Variants in STX7 observed in about 807,000 individuals in gnomAD.
The protein encoded by STX7 is syntaxin 7.
STX7 carries 34 observed loss-of-function variants against 39.6 expected under a neutral mutation model. That is an observed-to-expected ratio of 0.86 (90% CI 0.65 to 1.14). The LOEUF is 1.14. Among genes scored for constraint, STX7 ranks in the 50% most tolerant of loss-of-function variants. The probability of loss-of-function intolerance (pLI) is 0.00; values close to 1 mark genes in which losing one functional copy is unlikely to be tolerated. For missense variants in STX7, 284 were observed against 310.4 expected, an observed-to-expected ratio of 0.92 and a Z score of 0.64; for synonymous variants, 119 against 99.1, an observed-to-expected ratio of 1.20 and a Z score of -1.19.
chr6:132,485,555 T>C (rs1213359936), intron 2 of STX7, among the ~76,000 whole-genome samples: 2 of 152,236 alleles, frequency 1.3e-5, no homozygotes, highest in Non-Finnish European at 2.9e-5. Flanking sequence ...CTGGATAGTA[T>C]GACAGGTGTT....
intron 2 of STX7, among the ~76,000 whole-genome samples, chr6:132,492,008 GCA>G (rs1235663404): frequency 6.6e-6 from 1 of 152,006 alleles, no homozygotes; most frequent in Non-Finnish European, 1.5e-5. Context: ...GTCCAACATT[GCA>G]CTGCCTCTGC....
At chr6:132,473,636 T>C (rs9321345) in intron 3 of STX7, among the ~76,000 whole-genome samples, 85,770 of 150,818 alleles carry the variant, frequency 0.57, 24,909 homozygotes, top group East Asian at 0.86. Flanking sequence ...ATCTTATAAA[T>C]TGAAAAGATT....
At position 132,453,642 on chromosome 6, in the gene STX7, A is replaced by G. The variant is rs1774185808; in HGVS notation, c.*7116T>C. On this transcript the variant is annotated 3_prime_UTR_variant, in exon 10 of 10. Coordinates refer to ENST00000367941, the MANE Select transcript of STX7 (RefSeq NM_003569.3). Reference sequence around the variant, plus strand: ...GAAGAAACATGTCACTAAAGAAGAGATACAGGTGGCAAATAAGCATATGAA... The same window carrying G: ...GAAGAAACATGTCACTAAAGAAGAGGTACAGGTGGCAAATAAGCATATGAA... The G allele has an allele frequency of 6.6e-6, 1 of 152,058 alleles. No homozygotes were observed. Among genetic ancestry groups the G allele is most frequent in the Admixed American group, 6.6e-5 (1 of 15,256 alleles). 9.4% of individuals were successfully genotyped at this position (152,058 alleles called of 1,614,324 possible).
In STX7 at chr6:132,454,717, G is replaced by A. The variant is rs1338280990; in HGVS notation, c.*6041C>T. ...GACCACAGATCAGGAAAAGACATAA[G>A]GACAATAGGGTAGCCCTAATTTTGA... On this transcript the variant is annotated 3_prime_UTR_variant, in exon 10 of 10. Transcript: ENST00000367941. The A allele has an allele frequency of 6.6e-6, 1 of 152,006 alleles. No individual in the cohort carries two copies. The highest frequency in any genetic ancestry group is 6.6e-5 in the Admixed American group (1 of 15,244). The allele number at this position is 152,006 out of a possible 1,614,324, so 9.4% of individuals were successfully genotyped here. A position where few individuals can be genotyped will look rare whatever the true frequency, so the allele number is the denominator to read the frequency against.
At chr6:132,468,557 C>T in intron 7 of STX7, 82 bp from the exon 8 acceptor site, 1 of 915,208 alleles carries the variant, frequency 1.1e-6, no homozygotes, top group Non-Finnish European at 1.7e-6. Context: ...AAACCCAAAC[C>T]ACTACTCACA....
intron 1 of STX7, among the ~76,000 whole-genome samples, chr6:132,511,656 T>G (rs1457296392): frequency 6.6e-6 from 1 of 152,206 alleles, no homozygotes; most frequent in Non-Finnish European, 1.5e-5. Context: ...CTGCAAAAAC[T>G]ACATTAACTG....
rs3179104 is a variant in STX7, at chr6:132,445,917, C to A, written c.*14841G>T. The A allele has an allele frequency of 6.6e-6, 1 of 152,108 alleles. No homozygotes were observed. The highest frequency in any genetic ancestry group is 1.5e-5 in the Non-Finnish European group (1 of 67,986). The allele number at this position is 152,108 out of a possible 1,614,324, so 9.4% of individuals were successfully genotyped here. ...ATAACATTTTGAAAAAGTAAATTTT[C>A]TTTTGAAGATTTTATAAATTACACA... On this transcript the variant is annotated 3_prime_UTR_variant, in exon 10 of 10. Transcript: ENST00000367941.
At chr6:132,489,642 G>A (rs1775227530) in intron 2 of STX7, among the ~76,000 whole-genome samples, 1 of 152,186 alleles carries the variant, frequency 6.6e-6, no homozygotes, top group Non-Finnish European at 1.5e-5. Flanking sequence ...TCTTCTAAAG[G>A]ATGAGTCTCG....
intron 2 of STX7, among the ~76,000 whole-genome samples, chr6:132,487,990 T>C (rs1429279825): frequency 6.6e-6 from 1 of 152,198 alleles, no homozygotes; most frequent in Admixed American, 6.5e-5. Flanking sequence ...ACTGACGTCA[T>C]GATTTGAGAC....
intron 2 of STX7, among the ~76,000 whole-genome samples, chr6:132,476,582 A>T (rs1774881698): frequency 6.6e-6 from 1 of 152,204 alleles, no homozygotes; most frequent in African/African-American, 2.4e-5. Flanking sequence ...AATCATAGGG[A>T]CAACTGGAGA....
intron 2 of STX7, among the ~76,000 whole-genome samples, chr6:132,502,756 G>A (rs1327778162): frequency 3.9e-5 from 6 of 152,074 alleles, no homozygotes; most frequent in South Asian, 2.1e-4. Flanking sequence ...AAAATTAGCC[G>A]GGCGTGGTGG....
chr6:132,446,740 C>G lies in STX7; in HGVS notation c.*14018G>C, dbSNP rs1243157925. On this transcript the variant is annotated 3_prime_UTR_variant, in exon 10 of 10. Transcript: ENST00000367941. Reference sequence around the variant, plus strand: ...CATACAGAGCAGCACATTCCACACACTGCCCTAATTGGATCACCAATTGGA... The same window carrying G: ...CATACAGAGCAGCACATTCCACACAGTGCCCTAATTGGATCACCAATTGGA... The G allele has an allele frequency of 6.6e-6, 1 of 152,194 alleles. No homozygotes were observed. The highest frequency in any genetic ancestry group is 1.5e-5 in the Non-Finnish European group (1 of 68,030). 9.4% of individuals were successfully genotyped at this position (152,194 alleles called of 1,614,324 possible). A position where few individuals can be genotyped will look rare whatever the true frequency, so the allele number is the denominator to read the frequency against.
chr6:132,453,261 A>T lies in STX7; in HGVS notation c.*7497T>A, dbSNP rs569977793. 6.6e-6 allele frequency: 1 copy of T among 152,190 alleles called. No homozygotes were observed. Among genetic ancestry groups the T allele is most frequent in the Non-Finnish European group, 1.5e-5 (1 of 68,002 alleles). The allele number at this position is 152,190 out of a possible 1,614,324, so 9.4% of individuals were successfully genotyped here. On this transcript the variant is annotated 3_prime_UTR_variant, in exon 10 of 10. Transcript: ENST00000367941. Reference sequence around the variant, plus strand: ...TTATACAAAATTAACTGAAAATGGAATATAGACTTAAAAGTAAAACGTAAA... The same window carrying T: ...TTATACAAAATTAACTGAAAATGGATTATAGACTTAAAAGTAAAACGTAAA...
At chr6:132,470,663 CA>C (rs202210547) in intron 5 of STX7, 37 bp from the exon 6 acceptor site, 22 of 1,447,156 alleles carry the variant, frequency 1.5e-5, no homozygotes, top group South Asian at 8.5e-5. Flanking sequence ...TGAGAAGGGG[CA>C]AAAAAAGCAA....
At chr6:132,481,051 A>C (rs1775003310) in intron 2 of STX7, among the ~76,000 whole-genome samples, 1 of 152,146 alleles carries the variant, frequency 6.6e-6, no homozygotes. Flanking sequence ...TAAATTTGGC[A>C]TTGGCTACAG....
chr6:132,475,806 A>C, intron 2 of STX7, 144 bp from the exon 3 acceptor site: 1 of 453,234 alleles, frequency 2.2e-6, no homozygotes, highest in Non-Finnish European at 3.8e-6. Context: ...ACTGGAAAAA[A>C]GAATAACTAA....
rs949676773 is a variant in STX7, at chr6:132,458,242, C to G, written c.*2516G>C. 2 of 151,998 alleles carry G rather than the reference C, an allele frequency of 1.3e-5. No individual in the cohort carries two copies. The highest frequency in any genetic ancestry group is 4.8e-5 in the African/African-American group (2 of 41,392). The allele number at this position is 151,998 out of a possible 1,614,324, so 9.4% of individuals were successfully genotyped here. On this transcript the variant is annotated 3_prime_UTR_variant, in exon 10 of 10. Transcript: ENST00000367941. Reference sequence around the variant, plus strand: ...ATGCAGATGCTACTGGGGCAGCCAGCGGGCTCAGAGGGTCCAACTCCAGAC... The same window carrying G: ...ATGCAGATGCTACTGGGGCAGCCAGGGGGCTCAGAGGGTCCAACTCCAGAC...
rs1774091904 is a variant in STX7, at chr6:132,449,304, T to G, written c.*11454A>C. 6.6e-6 allele frequency: 1 copy of G among 152,058 alleles called. No individual in the cohort carries two copies. The highest frequency in any genetic ancestry group is 1.5e-5 in the Non-Finnish European group (1 of 68,020). 9.4% of individuals were successfully genotyped at this position (152,058 alleles called of 1,614,324 possible). A position where few individuals can be genotyped will look rare whatever the true frequency, so the allele number is the denominator to read the frequency against. ...CATCTGGCTAATTCTTAATTTTTTT[T>G]GTAGAGATGGAGTGGGGGCTCTTGC... On this transcript the variant is annotated 3_prime_UTR_variant, in exon 10 of 10. Transcript: ENST00000367941.
At chr6:132,512,830 C>G (rs1217771009) in intron 1 of STX7, among the ~76,000 whole-genome samples, 177 bp downstream of exon 1, 2 of 152,168 alleles carry the variant, frequency 1.3e-5, no homozygotes, top group Non-Finnish European at 2.9e-5. Flanking sequence ...CGTGGGGAGC[C>G]GCAGGCGCTC....
Sources: allele counts gnomAD v4.1 joint callset (sites outside exome capture counted in the v4.1 genomes callset), GRCh38; gene constraint gnomAD v4.1.1; transcripts MANE v1.5; gene names NCBI Gene and HGNC (gene_info 2026-07-23, HGNC 2026-07-21).